The following S100Z variants were observed in gnomAD, a reference collection of about 807,000 sequenced individuals.
The protein encoded by S100Z is protein S100-Z.
Under a neutral mutation model 8.5 loss-of-function variants are expected in S100Z, and 11 were observed. That is an observed-to-expected ratio of 1.30 (90% CI 0.82 to 2.15). The LOEUF (loss-of-function observed/expected upper bound fraction) is 2.15, where lower values mean the gene tolerates loss of function less well. Among genes scored for constraint, S100Z ranks in the 30% most tolerant of loss-of-function variants. The pLI, the probability that S100Z is intolerant of heterozygous loss-of-function variation, is 0.00. For missense variants in S100Z, 126 were observed against 117.9 expected, an observed-to-expected ratio of 1.07 and a Z score of -0.32; for synonymous variants, 34 against 43.8, an observed-to-expected ratio of 0.78 and a Z score of 0.89.
At position 76,877,690 on chromosome 5, in the gene S100Z, A is replaced by T. The variant is rs1340243513; in HGVS notation, c.158A>T (p.Gln53Leu). ...TEFLSCQKET[Q>L]LVDKIVQDLD... ...TCATTTTAGTGCCAAAAGGAAACCC[A>T]GTTGGTTGATAAGATAGTGCAGGAC... The change falls in exon 4 of 5, where the codon CAG (glutamine) becomes CTG (leucine). Residue 53 changes from glutamine to leucine, a missense_variant. Physicochemically the swap from Gln to Leu is moderately radical, Grantham distance 113 (BLOSUM62 -2). Coordinates refer to ENST00000317593, the MANE Select transcript of S100Z (RefSeq NM_130772.4). 6.2e-7 allele frequency: 1 copy of T among 1,605,840 alleles called. No individual in the cohort carries two copies. Among genetic ancestry groups the T allele is most frequent in the East Asian group, 2.2e-5 (1 of 44,754 alleles).
At chr5:76,875,236 T>A (rs1458184650) in intron 2 of S100Z, 68 bp from the exon 3 acceptor site, 30 of 879,010 alleles carry the variant, frequency 3.4e-5, no homozygotes, top group Non-Finnish European at 4.5e-5. Context: ...GCGAGCTGAC[T>A]CGGGGGATTG....
At chr5:76,910,049 T>C (rs1744592592) in intron 4 of S100Z, among the ~76,000 whole-genome samples, 2 of 152,132 alleles carry the variant, frequency 1.3e-5, no homozygotes, top group Non-Finnish European at 2.9e-5. Context: ...TCAACTCAGA[T>C]CATGGGGACT....
intron 1 of S100Z, among the ~76,000 whole-genome samples, chr5:76,863,756 T>C (rs1047774672): frequency 6.6e-6 from 1 of 152,204 alleles, no homozygotes; most frequent in Non-Finnish European, 1.5e-5. Flanking sequence ...GCCAGGATGG[T>C]CTCGATCTCC....
At chr5:76,868,579 A>G (rs2150632145) in intron 1 of S100Z, among the ~76,000 whole-genome samples, 1 of 152,060 alleles carries the variant, frequency 6.6e-6, no homozygotes, top group East Asian at 1.9e-4. Context: ...TAACTTCAAC[A>G]ACTTAATTTG....
intron 1 of S100Z, among the ~76,000 whole-genome samples, chr5:76,868,343 A>G (rs200059158): frequency 5.1e-5 from 5 of 97,540 alleles, no homozygotes; most frequent in African/African-American, 2.2e-4. Context: ...AGTAGAAACA[A>G]AGAGAAAATC....
At chr5:76,909,669 G>A (rs1378977918) in intron 4 of S100Z, among the ~76,000 whole-genome samples, 1 of 152,054 alleles carries the variant, frequency 6.6e-6, no homozygotes, top group Non-Finnish European at 1.5e-5. Flanking sequence ...AAAACCCCTG[G>A]GCTATCAGTT....
intron 4 of S100Z, among the ~76,000 whole-genome samples, chr5:76,903,251 C>T (rs1355654237): frequency 6.6e-6 from 1 of 152,202 alleles, no homozygotes; most frequent in East Asian, 1.9e-4. Context: ...GTCTTATCCC[C>T]TAGAGACCAC....
chr5:76,918,950 G>A (rs1286064068), intron 4 of S100Z, among the ~76,000 whole-genome samples: 2 of 152,110 alleles, frequency 1.3e-5, no homozygotes, highest in African/African-American at 4.8e-5. Flanking sequence ...ATGGTACCTA[G>A]CCTTTTCAGA....
chr5:76,899,388 A>C (rs974917376), intron 4 of S100Z, among the ~76,000 whole-genome samples: 7 of 126,122 alleles, frequency 5.6e-5, no homozygotes, highest in Non-Finnish European at 1.0e-4. Flanking sequence ...CCATTTTGCT[A>C]TTTTTTTTTT....
chr5:76,943,501 G>T, the S100Z span, among the ~76,000 whole-genome samples: 2 of 152,178 alleles, frequency 1.3e-5, no homozygotes, highest in Non-Finnish European at 2.9e-5. Context: ...GACCTTAGAG[G>T]CCTGATAGCT....
At chr5:76,924,242 C>A (rs1055472842), downstream of S100Z, among the ~76,000 whole-genome samples, 2 of 152,166 alleles carry the variant, frequency 1.3e-5, no homozygotes, top group Non-Finnish European at 2.9e-5. Flanking sequence ...GCCACATTTC[C>A]CTGCTCTTTC....
At position 76,920,797 on chromosome 5, in the gene S100Z, G is replaced by A. The variant is rs1055495017; in HGVS notation, c.*83G>A. On this transcript the variant is annotated 3_prime_UTR_variant, in exon 5 of 5. Transcript: ENST00000317593. ...AATCATCGCTCTCAGGACGGGGTCT[G>A]CCTGGAATAGCACTGAATGTGTTTA... 25 of 152,328 alleles carry A rather than the reference G, an allele frequency of 1.6e-4. No individual in the cohort carries two copies. Among genetic ancestry groups the A allele is most frequent in the African/African-American group, 4.3e-4 (18 of 41,558 alleles). The allele number at this position is 152,328 out of a possible 1,614,324, so 9.4% of individuals were successfully genotyped here. A position where few individuals can be genotyped will look rare whatever the true frequency, so the allele number is the denominator to read the frequency against.
At chr5:76,906,633 T>C (rs1744430111) in intron 4 of S100Z, among the ~76,000 whole-genome samples, 1 of 101,988 alleles carries the variant, frequency 9.8e-6, no homozygotes, top group East Asian at 2.6e-4. Flanking sequence ...GTTGTTGTTT[T>C]GTTTTTTGTT....
rs869046562 is a variant in S100Z at position 76,906,976 on chromosome 5, G to GTATA, written c.*3-13696_*3-13693dup. On this transcript the variant is annotated intron_variant, in intron 4 of 4. Transcript: ENST00000317593. ...CTGAATAGTATTCCATTGTGTGTGT[G>GTATA]TATATATATATATATATATATATAT... is the stretch of plus-strand genomic sequence containing the variant. 5.5e-3 allele frequency among the ~76,000 whole-genome samples: 119 copies of GTATA among 21,674 alleles called. 2 individuals are homozygous for GTATA. Among genetic ancestry groups the GTATA allele is most frequent in the Non-Finnish European group, 6.8e-3 (72 of 10,564 alleles). 14.2% of individuals were successfully genotyped at this position (21,674 alleles called of 152,430 possible). A position where few individuals can be genotyped will look rare whatever the true frequency, so the allele number is the denominator to read the frequency against.
chr5:76,885,225 G>A (rs1743560315), intron 4 of S100Z, among the ~76,000 whole-genome samples: 1 of 152,318 alleles, frequency 6.6e-6, no homozygotes, highest in Non-Finnish European at 1.5e-5. Flanking sequence ...GAGGGTAGAA[G>A]GTTGCCCATA....
chr5:76,932,614 A>G, the S100Z span, among the ~76,000 whole-genome samples: 1 of 152,140 alleles, frequency 6.6e-6, no homozygotes, highest in Non-Finnish European at 1.5e-5. Context: ...TTGGCCTCCC[A>G]AAGTGCTGGG....
chr5:76,898,654 T>G (rs1184857980), intron 4 of S100Z, among the ~76,000 whole-genome samples: 1 of 152,244 alleles, frequency 6.6e-6, no homozygotes, highest in Non-Finnish European at 1.5e-5. Flanking sequence ...ACATATCATT[T>G]AGTCATGATG....
chr5:76,872,039 C>A (rs973115451), intron 2 of S100Z, among the ~76,000 whole-genome samples: 2 of 151,852 alleles, frequency 1.3e-5, no homozygotes, highest in African/African-American at 4.8e-5. Flanking sequence ...GAGTTTGAGA[C>A]CAGCTTGGGC....
chr5:76,914,948 G>A (rs779618660), intron 4 of S100Z, among the ~76,000 whole-genome samples: 15 of 152,160 alleles, frequency 9.9e-5, no homozygotes, highest in African/African-American at 2.9e-4. Context: ...AACACTCACC[G>A]CAAGGGTCTG....
Sources: allele counts gnomAD v4.1 joint callset (sites outside exome capture counted in the v4.1 genomes callset), GRCh38; gene constraint gnomAD v4.1.1; transcripts MANE v1.5; gene names NCBI Gene and HGNC (gene_info 2026-07-23, HGNC 2026-07-21).